Variants in C2CD3 observed in about 807,000 individuals in gnomAD.
C2CD3 encodes C2 domain-containing protein 3.
C2CD3 carries 148 observed loss-of-function variants against 234.0 expected under a neutral mutation model. That is an observed-to-expected ratio of 0.63 (90% confidence interval 0.55 to 0.72). C2CD3 has a LOEUF of 0.72. Among genes scored for constraint, C2CD3 ranks in the 30% least tolerant of loss-of-function variants. The pLI, the probability that C2CD3 is intolerant of heterozygous loss-of-function variation, is 0.00. For synonymous variants in C2CD3, 1,000 were observed against 1,035.4 expected, an observed-to-expected ratio of 0.97 and a Z score of 0.66; for missense variants, 2,577 against 2,811.5, an observed-to-expected ratio of 0.92 and a Z score of 1.89.
intron 5 of C2CD3, among the ~76,000 whole-genome samples, chr11:74,137,793 C>A (rs1957917898): frequency 6.6e-6 from 1 of 152,090 alleles, no homozygotes; most frequent in Admixed American, 6.6e-5. Context: ...ACCATGTTGG[C>A]CAGGCTAGTT....
At chr11:74,157,664 A>C (rs1480721602) in intron 3 of C2CD3, among the ~76,000 whole-genome samples, 1 of 152,062 alleles carries the variant, frequency 6.6e-6, no homozygotes, top group Non-Finnish European at 1.5e-5. Flanking sequence ...CTATTTTCTT[A>C]TTTAGTATTT....
chr11:74,059,834 G>T (rs1954146262), intron 24 of C2CD3, among the ~76,000 whole-genome samples: 2 of 152,188 alleles, frequency 1.3e-5, no homozygotes, highest in Non-Finnish European at 2.9e-5. Flanking sequence ...CCTCACCCAG[G>T]AAGCACAAGG....
At chr11:74,111,577 C>T (rs967737981) in intron 11 of C2CD3, among the ~76,000 whole-genome samples, 3 of 152,004 alleles carry the variant, frequency 2.0e-5, no homozygotes, top group East Asian at 1.9e-4. Context: ...TGAAAAAATT[C>T]GAAATCCTAA....
rs531964288 is a variant in C2CD3 at position 74,055,545 on chromosome 11, C to T, written c.5091-874G>A. Among the ~76,000 whole-genome samples, 5 of 152,308 alleles carry T rather than the reference C, an allele frequency of 3.3e-5. No individual in the cohort carries two copies. In the East Asian group the frequency reaches 9.6e-4, roughly 29 times the overall value. ...AGCCTACTTCCTGACCAATGAGCGGCACGGTGCTAAAGTGAAACAAATATT... is the reference window on the plus strand; with the variant it reads ...AGCCTACTTCCTGACCAATGAGCGGTACGGTGCTAAAGTGAAACAAATATT... On this transcript the variant is annotated intron_variant, in intron 25 of 32. Transcript: ENST00000334126.
At chr11:74,164,623 C>T (rs1856687669) in intron 2 of C2CD3, among the ~76,000 whole-genome samples, 3 of 152,104 alleles carry the variant, frequency 2.0e-5, no homozygotes, top group Admixed American at 1.3e-4. Flanking sequence ...TCTGCAGAGG[C>T]TTCATCTTAT....
chr11:74,137,758 G>C (rs1957916816), intron 5 of C2CD3, among the ~76,000 whole-genome samples: 1 of 151,462 alleles, frequency 6.6e-6, no homozygotes, highest in Non-Finnish European at 1.5e-5. Flanking sequence ...CTAATTTTTT[G>C]TATTTTTAGT....
At chr11:74,111,919 TACACACACACACAC>T (rs61499954) in intron 11 of C2CD3, among the ~76,000 whole-genome samples, 4,802 of 125,162 alleles carry the variant, frequency 0.038, 268 homozygotes, top group African/African-American at 0.13. Flanking sequence ...TATTTGCTGA[TACACACACACACAC>T]ACACACACAC....
At chr11:74,016,003 AGAATTCAAGG>A (rs1478600125) in intron 32 of C2CD3, among the ~76,000 whole-genome samples, 1 of 152,162 alleles carries the variant, frequency 6.6e-6, no homozygotes, top group African/African-American at 2.4e-5. Flanking sequence ...CTTGAGCCCA[AGAATTCAAGG>A]CTGCAGTAAG....
intron 11 of C2CD3, chr11:74,113,389 A>C: frequency 4.7e-6 from 1 of 212,888 alleles, no homozygotes. Flanking sequence ...CACAGCCTTG[A>C]AAATATTGGC....
intron 26 of C2CD3, among the ~76,000 whole-genome samples, chr11:74,051,462 TGA>T (rs952452313): frequency 7.2e-5 from 11 of 152,186 alleles, no homozygotes; most frequent in African/African-American, 2.7e-4. Flanking sequence ...TAAACATACT[TGA>T]GGAGTGCTTT....
At chr11:74,167,234 C>T (rs918438137) in intron 2 of C2CD3, among the ~76,000 whole-genome samples, 1 of 152,066 alleles carries the variant, frequency 6.6e-6, no homozygotes, top group Non-Finnish European at 1.5e-5. Context: ...TTAATAAATA[C>T]CTTCTCTCTT....
At position 74,072,962 on chromosome 11, in the gene C2CD3, A is replaced by G. The variant is rs567767596; in HGVS notation, c.4951+1291T>C. Among the ~76,000 whole-genome samples the G allele has an allele frequency of 2.2e-3, 332 of 152,302 alleles. 1 individual carries two copies. The highest frequency in any genetic ancestry group is 3.4e-3 in the Non-Finnish European group (232 of 68,030). The stretch of plus-strand genomic sequence containing the variant: ...AATAGAAGGGGGCCTTTATATTGGG[A>G]AAGCCCTCCAGGAAATGGTGATGCC... On this transcript the variant is annotated intron_variant, in intron 24 of 32. Transcript: ENST00000334126.
intron 26 of C2CD3, among the ~76,000 whole-genome samples, chr11:74,049,995 G>A (rs1468413883): frequency 2.0e-5 from 3 of 150,938 alleles, no homozygotes; most frequent in Admixed American, 6.6e-5. Flanking sequence ...TGCCTAGGTG[G>A]TCTTGAACCC....
intron 32 of C2CD3, among the ~76,000 whole-genome samples, chr11:74,025,124 T>G (rs1354034035): frequency 6.6e-6 from 1 of 152,132 alleles, no homozygotes; most frequent in Non-Finnish European, 1.5e-5. Flanking sequence ...TAGTATTTAA[T>G]AGACCAAAGA....
At chr11:74,145,237 T>G (rs1378680878) in intron 3 of C2CD3, among the ~76,000 whole-genome samples, 1 of 152,224 alleles carries the variant, frequency 6.6e-6, no homozygotes, top group Non-Finnish European at 1.5e-5. Flanking sequence ...TATGTTATTT[T>G]TTGACTTTTT....
intron 2 of C2CD3, among the ~76,000 whole-genome samples, chr11:74,163,534 T>C (rs894978684): frequency 1.3e-5 from 2 of 152,198 alleles, no homozygotes; most frequent in African/African-American, 4.8e-5. Context: ...GTTCTCATGA[T>C]AGTGAGTTAG....
At chr11:74,116,071 C>T (rs1433481543) in intron 9 of C2CD3, among the ~76,000 whole-genome samples, 1 of 152,084 alleles carries the variant, frequency 6.6e-6, no homozygotes, top group Non-Finnish European at 1.5e-5. Context: ...TAGACAAAGA[C>T]TTCATATCCA....
At chr11:74,090,958 AAAG>A in intron 19 of C2CD3, 22 bp from the exon 20 acceptor site, 1 of 1,612,244 alleles carries the variant, frequency 6.2e-7, no homozygotes, top group Non-Finnish European at 8.5e-7. Flanking sequence ...GGACACAAGG[AAAG>A]AAGGTTGGTC....
At chr11:74,045,475 C>T (rs564688449) in intron 28 of C2CD3, among the ~76,000 whole-genome samples, 74 of 152,260 alleles carry the variant, frequency 4.9e-4, no homozygotes, top group African/African-American at 1.7e-3. Flanking sequence ...TGTAGATCAA[C>T]GTGGAGAATA....
Sources: gnomAD v4.1 joint callset for allele counts (sites outside exome capture counted in the v4.1 genomes callset) on GRCh38, gnomAD v4.1.1 for gene constraint, MANE v1.5 for transcripts, NCBI Gene and HGNC (gene_info 2026-07-23, HGNC 2026-07-21) for gene names.